DLGAP2: variants seen among roughly 807,000 people sequenced by gnomAD.
DLGAP2 encodes disks large-associated protein 2.
A neutral mutation model predicts 100.3 loss-of-function variants in DLGAP2; 26 were observed. The observed-to-expected ratio is 0.26, with a 90% confidence interval of 0.19 to 0.36. DLGAP2 has a LOEUF of 0.36. Ranked by LOEUF, DLGAP2 falls within the 10% of genes least tolerant of loss-of-function variation. The pLI, the probability that DLGAP2 is intolerant of heterozygous loss-of-function variation, is 1.00. For missense variants in DLGAP2, 1,858 were observed against 1,453.2 expected, an observed-to-expected ratio of 1.28 and a Z score of -4.53; for synonymous variants, 886 against 630.1, an observed-to-expected ratio of 1.41 and a Z score of -6.08.
At chr8:1,431,963 G>A (rs1331917520) in intron 3 of DLGAP2, among the ~76,000 whole-genome samples, 2 of 136,936 alleles carry the variant, frequency 1.5e-5, no homozygotes, top group African/African-American at 2.8e-5. Flanking sequence ...GCACCGCTAC[G>A]GCTGCCATCC....
intron 2 of DLGAP2, among the ~76,000 whole-genome samples, chr8:1,190,820 C>A (rs1391668239): frequency 6.6e-6 from 1 of 151,946 alleles, no homozygotes. Context: ...CTGTAGGGGG[C>A]AGACCCAAGA....
chr8:1,576,888 A>G (rs921602448), intron 6 of DLGAP2, among the ~76,000 whole-genome samples: 5 of 152,192 alleles, frequency 3.3e-5, no homozygotes, highest in African/African-American at 9.6e-5. Flanking sequence ...CAAGCTACCA[A>G]TGCCTTTCTT....
At chr8:879,244 T>G (rs1306090959) in intron 1 of DLGAP2, among the ~76,000 whole-genome samples, 1 of 152,224 alleles carries the variant, frequency 6.6e-6, no homozygotes, top group African/African-American at 2.4e-5. Flanking sequence ...TGTTAGCCAC[T>G]GACTAGAGAA....
At chr8:1,058,722 ATTG>A (rs1294442709) in intron 2 of DLGAP2, among the ~76,000 whole-genome samples, 12 of 152,196 alleles carry the variant, frequency 7.9e-5, no homozygotes, top group African/African-American at 2.9e-4. Context: ...CTTAAGACAG[ATTG>A]GCCTTATATT....
intron 3 of DLGAP2, among the ~76,000 whole-genome samples, chr8:1,367,540 G>A (rs1802135522): frequency 6.6e-6 from 1 of 152,208 alleles, no homozygotes; most frequent in Non-Finnish European, 1.5e-5. Flanking sequence ...GGCCGCAGAG[G>A]ACAGTGGGAT....
At chr8:1,360,263 CGGGGCGGGGCTTCTCT>C (rs1459837823) in intron 3 of DLGAP2, among the ~76,000 whole-genome samples, 786 of 27,542 alleles carry the variant, frequency 0.029, 7 homozygotes, top group African/African-American at 0.085. Flanking sequence ...GGGGCTTCTC[CGGGGCGGGGCTTCTCT>C]GGGGCGGGGC....
At chr8:1,493,107 G>C (rs1001460731) in intron 3 of DLGAP2, among the ~76,000 whole-genome samples, 1 of 152,192 alleles carries the variant, frequency 6.6e-6, no homozygotes, top group Admixed American at 6.5e-5. Context: ...AGGTGACAAC[G>C]AGCTCAAGCT....
At chr8:751,918 A>G (rs182580797) in intron 1 of DLGAP2, among the ~76,000 whole-genome samples, 1,639 of 150,476 alleles carry the variant, frequency 0.011, 11 homozygotes, top group Non-Finnish European at 0.017. Context: ...AAGTCCTTAT[A>G]GGAAGTTCAT....
At position 1,342,987 on chromosome 8, in the gene DLGAP2, G is replaced by C. The variant is rs75376653; in HGVS notation, c.106+84104G>C. Among the ~76,000 whole-genome samples the C allele has an allele frequency of 1.3e-3, 191 of 152,340 alleles. 1 individual carries two copies. Among genetic ancestry groups the C allele is most frequent in the African/African-American group, 4.4e-3 (184 of 41,566 alleles). ...GCACATGGTCGTGCATGGGTGCGGG[G>C]TGCTGGGAGCACAGAGATTATTGAG... On this transcript the variant is annotated intron_variant, in intron 3 of 14. Transcript: ENST00000637795.
chr8:1,307,972 C>T lies in DLGAP2; in HGVS notation c.106+49089C>T, dbSNP rs139248990. ...AATGGTGTGAATGTCCTTAACACAC[C>T]ACAGAACTACACACACGAAATGGTT... On this transcript the variant is annotated intron_variant, in intron 3 of 14. Coordinates refer to ENST00000637795, the MANE Select transcript of DLGAP2 (RefSeq NM_001346810.2). 5.6e-4 allele frequency among the ~76,000 whole-genome samples: 85 copies of T among 152,236 alleles called. 3 individuals are homozygous for T. The East Asian group carries it at 0.016, about 28-fold the overall frequency.
chr8:834,582 T>A (rs568024051), intron 1 of DLGAP2, among the ~76,000 whole-genome samples: 13 of 152,308 alleles, frequency 8.5e-5, no homozygotes, highest in African/African-American at 2.6e-4. Context: ...GTTAGATCTT[T>A]CTACCTTTAA....
chr8:1,382,412 G>A (rs1796117767), intron 3 of DLGAP2, among the ~76,000 whole-genome samples: 1 of 152,130 alleles, frequency 6.6e-6, no homozygotes, highest in Non-Finnish European at 1.5e-5. Flanking sequence ...TGTTGTTCAA[G>A]GGCAAGTGTG....
intron 3 of DLGAP2, among the ~76,000 whole-genome samples, chr8:1,298,205 G>A (rs190090894): frequency 2.9e-3 from 448 of 152,198 alleles, no homozygotes; most frequent in Non-Finnish European, 2.8e-3. Context: ...GACACCACGC[G>A]AGATAGGGAG....
chr8:1,191,452 G>C (rs1055531789), intron 2 of DLGAP2, among the ~76,000 whole-genome samples: 2 of 152,154 alleles, frequency 1.3e-5, no homozygotes, highest in Non-Finnish European at 2.9e-5. Flanking sequence ...TTATAGGCGT[G>C]AGCCACCGCG....
At chr8:1,598,142 T>A (rs1470097060) in intron 6 of DLGAP2, among the ~76,000 whole-genome samples, 3 of 152,212 alleles carry the variant, frequency 2.0e-5, no homozygotes, top group Non-Finnish European at 4.4e-5. Flanking sequence ...TTGTCATTGG[T>A]TCTGTTTATG....
At chr8:1,452,960 G>T (rs1206799097) in intron 3 of DLGAP2, among the ~76,000 whole-genome samples, 2 of 152,204 alleles carry the variant, frequency 1.3e-5, no homozygotes, top group Admixed American at 1.3e-4. Flanking sequence ...TACTTGTCGG[G>T]CGGCAGGTGT....
At chr8:1,485,389 A>G (rs894814414) in intron 3 of DLGAP2, among the ~76,000 whole-genome samples, 6 of 152,260 alleles carry the variant, frequency 3.9e-5, no homozygotes, top group Non-Finnish European at 7.3e-5. Context: ...GCGTTCATGC[A>G]GATGCAGGAT....
intron 2 of DLGAP2, chr8:1,003,201 T>A (rs1563138432): frequency 1.3e-5 from 2 of 152,138 alleles, no homozygotes; most frequent in Non-Finnish European, 2.9e-5. Flanking sequence ...AAAGGGTGGG[T>A]CTCAAGCCCT....
intron 2 of DLGAP2, among the ~76,000 whole-genome samples, chr8:1,180,109 A>G (rs1797347284): frequency 6.6e-6 from 1 of 152,232 alleles, no homozygotes; most frequent in African/African-American, 2.4e-5. Context: ...TAAATAAGTA[A>G]AAATGGATGT....
Sources: gnomAD v4.1 joint callset for allele counts (sites outside exome capture counted in the v4.1 genomes callset) on GRCh38, gnomAD v4.1.1 for gene constraint, MANE v1.5 for transcripts, NCBI Gene and HGNC (gene_info 2026-07-23, HGNC 2026-07-21) for gene names.